The following AP3B1 variants were observed in gnomAD, a reference collection of about 807,000 sequenced individuals.
AP3B1 encodes the protein adaptor related protein complex 3 subunit beta 1, also known as AP-3 complex subunit beta-1.
Under a neutral mutation model 132.5 loss-of-function variants are expected in AP3B1, and 61 were observed. That is an observed-to-expected ratio of 0.46 (90% CI 0.37 to 0.57). The LOEUF is 0.57. Ranked by LOEUF, AP3B1 falls within the 20% of genes least tolerant of loss-of-function variation. The pLI is 0.00. For synonymous variants in AP3B1, 388 were observed against 438.3 expected, an observed-to-expected ratio of 0.89 and a Z score of 1.43; for missense variants, 1,120 against 1,289.4, an observed-to-expected ratio of 0.87 and a Z score of 2.01.
chr5:78,270,227 G>A (rs1030145579), intron 1 of AP3B1, among the ~76,000 whole-genome samples: 14 of 151,874 alleles, frequency 9.2e-5, no homozygotes, highest in African/African-American at 2.2e-4. Context: ...TATTTTTCTA[G>A]TAATTTATTT....
chr5:78,271,625 G>C (rs1255403763), intron 1 of AP3B1, among the ~76,000 whole-genome samples: 1 of 152,066 alleles, frequency 6.6e-6, no homozygotes, highest in Non-Finnish European at 1.5e-5. Context: ...AAAAATCCAA[G>C]GTAAAATCTC....
intron 18 of AP3B1, among the ~76,000 whole-genome samples, chr5:78,114,546 A>G (rs985986881): frequency 2.0e-5 from 3 of 152,204 alleles, no homozygotes; most frequent in Non-Finnish European, 4.4e-5. Flanking sequence ...TGTGTAAATT[A>G]TGGTATGCTA....
chr5:78,123,577 GC>G (rs1752325303), intron 17 of AP3B1, among the ~76,000 whole-genome samples: 1 of 152,136 alleles, frequency 6.6e-6, no homozygotes, highest in Non-Finnish European at 1.5e-5. Flanking sequence ...CATTTATGCA[GC>G]CAAAAAACAC....
intron 21 of AP3B1, among the ~76,000 whole-genome samples, chr5:78,096,163 G>A (rs938755843): frequency 5.3e-5 from 8 of 152,180 alleles, no homozygotes; most frequent in East Asian, 1.9e-4. Flanking sequence ...GGCGCGCGCC[G>A]CCATGCCTGG....
chr5:78,089,869 T>A (rs1178568708), intron 21 of AP3B1, among the ~76,000 whole-genome samples: 2 of 152,234 alleles, frequency 1.3e-5, no homozygotes, highest in African/African-American at 2.4e-5. Flanking sequence ...AAGAGAATGC[T>A]GCAGTGGAAT....
In AP3B1 at chr5:78,113,881, C is replaced by T. The variant is rs1244138366; in HGVS notation, c.2120G>A (p.Gly707Glu). 3.1e-6 allele frequency: 5 copies of T among 1,614,096 alleles called. No individual in the cohort carries two copies. Among genetic ancestry groups the T allele is most frequent in the Admixed American group, 1.7e-5 (1 of 60,008 alleles). The change falls in exon 19 of 27, where the codon GGG (glycine) becomes GAG (glutamate). Residue 707 changes from glycine to glutamate, a missense_variant. This residue lies in a region of AP3B1 where 906 missense variants were observed against 997.1 expected (regional missense o/e 0.91). Transcript: ENST00000255194. Reference protein sequence around the residue: ...GSESGEQGESGEEGDSNEDSS... With the variant: ...GSESGEQGESEEEGDSNEDSS... ...GTCCTCATTGCTGTCTCCTTCCTCC[C>T]CACTTTCGCCTTGTTCTCCACTTTC...
chr5:78,264,736 G>A lies in AP3B1; in HGVS notation c.204+2784C>T, dbSNP rs184562376. Among the ~76,000 whole-genome samples, 28 of 152,302 alleles carry A rather than the reference G, an allele frequency of 1.8e-4. 1 individual carries two copies. The East Asian group carries it at 3.7e-3, about 20-fold the overall frequency. On this transcript the variant is annotated intron_variant, in intron 2 of 26. Transcript: ENST00000255194. ...GGAAAGAACAAGGGATAAACAGTCC[G>A]TCTGGAAAGATTTATACAAAACTAT... is the stretch of plus-strand genomic sequence containing the variant.
intron 1 of AP3B1, among the ~76,000 whole-genome samples, chr5:78,283,979 C>A (rs1254034893): frequency 6.6e-6 from 1 of 152,172 alleles, no homozygotes. Context: ...ACCAGTCAGT[C>A]CCTCATTTCC....
At chr5:78,282,065 A>T (rs1749081355) in intron 1 of AP3B1, among the ~76,000 whole-genome samples, 1 of 152,210 alleles carries the variant, frequency 6.6e-6, no homozygotes, top group Non-Finnish European at 1.5e-5. Context: ...AGTTCTTCGG[A>T]GAAGTGATCT....
chr5:78,056,693 G>A (rs1748829414), intron 22 of AP3B1, among the ~76,000 whole-genome samples: 1 of 152,164 alleles, frequency 6.6e-6, no homozygotes, highest in Admixed American at 6.6e-5. Flanking sequence ...AAAAAATATA[G>A]TATCACCATT....
At chr5:78,061,535 G>A (rs1749055414) in intron 22 of AP3B1, among the ~76,000 whole-genome samples, 1 of 152,216 alleles carries the variant, frequency 6.6e-6, no homozygotes. Context: ...ATGCTGGTAT[G>A]ATCAAGCACT....
chr5:78,240,713 G>C (rs577164237), intron 3 of AP3B1, 149 bp downstream of exon 3: 3 of 601,502 alleles, frequency 5.0e-6, no homozygotes, highest in Admixed American at 5.8e-5. Context: ...CTTTTTATTT[G>C]ATCTTACCTA....
At chr5:78,113,968 T>A (rs778223748) in intron 18 of AP3B1, 45 bp from the exon 19 acceptor site, 8 of 1,590,906 alleles carry the variant, frequency 5.0e-6, no homozygotes, top group Non-Finnish European at 6.9e-6. Context: ...GTCATTTAAT[T>A]AGACACACGG....
chr5:78,094,194 T>C lies in AP3B1; in HGVS notation c.2471-4695A>G, dbSNP rs1427352486. ...ACATGGTATGGGGTCCTAAAATATA[T>C]TGTTTAATTTCCAGGAATATAAAAT... On this transcript the variant is annotated intron_variant, in intron 21 of 26. Transcript: ENST00000255194. Among the ~76,000 whole-genome samples, 7 of 152,178 alleles carry C rather than the reference T, an allele frequency of 4.6e-5. 1 individual carries two copies. The highest frequency in any genetic ancestry group is 7.2e-5 in the African/African-American group (3 of 41,466).
chr5:78,018,702 C>CAA (rs1554057856), intron 25 of AP3B1, among the ~76,000 whole-genome samples: 1 of 140,470 alleles, frequency 7.1e-6, no homozygotes, highest in African/African-American at 2.9e-5. Context: ...ACACACACAC[C>CAA]CCTTAAATTT....
intron 2 of AP3B1, among the ~76,000 whole-genome samples, chr5:78,245,170 T>C (rs969868545): frequency 1.3e-5 from 2 of 152,126 alleles, no homozygotes; most frequent in Non-Finnish European, 2.9e-5. Flanking sequence ...AGCTCTGGTC[T>C]CCACACTATT....
intron 22 of AP3B1, among the ~76,000 whole-genome samples, chr5:78,065,690 G>A (rs1749259422): frequency 6.6e-6 from 1 of 152,184 alleles, no homozygotes; most frequent in Non-Finnish European, 1.5e-5. Context: ...CTCTGGGGAA[G>A]GGCAGCCATG....
At chr5:78,115,831 T>G (rs1751801489) in intron 18 of AP3B1, among the ~76,000 whole-genome samples, 1 of 152,190 alleles carries the variant, frequency 6.6e-6, no homozygotes, top group African/African-American at 2.4e-5. Flanking sequence ...AAATTATGTT[T>G]TTCAATAGAT....
intron 1 of AP3B1, among the ~76,000 whole-genome samples, chr5:78,271,841 A>T (rs1161943356): frequency 6.6e-6 from 1 of 152,224 alleles, no homozygotes; most frequent in Non-Finnish European, 1.5e-5. Flanking sequence ...AAAGAAGGCA[A>T]TCAAAATATT....
Sources: allele counts gnomAD v4.1 joint callset (sites outside exome capture counted in the v4.1 genomes callset), GRCh38; gene constraint gnomAD v4.1.1; regional missense constraint gnomAD v4.1.1; transcripts MANE v1.5; gene names NCBI Gene and HGNC (gene_info 2026-07-23, HGNC 2026-07-21).